The following SLFN12L variants were observed in gnomAD, a reference collection of about 807,000 sequenced individuals.
SLFN12L encodes the protein schlafen family member 12-like.
A neutral mutation model predicts 34.8 loss-of-function variants in SLFN12L; 34 were observed. The observed-to-expected ratio is 0.98, with a 90% CI of 0.74 to 1.30. The LOEUF is 1.30. Ranked by LOEUF, SLFN12L falls within the 50% of genes most tolerant of loss-of-function variation. The pLI is 0.00. For synonymous variants in SLFN12L, 259 were observed against 247.5 expected (o/e 1.05, Z -0.44); for missense variants, 703 against 696.2 (o/e 1.01, Z -0.11).
intron 2 of SLFN12L, among the ~76,000 whole-genome samples, chr17:35,496,758 C>G (rs1915098549): frequency 6.6e-6 from 1 of 152,184 alleles, no homozygotes; most frequent in African/African-American, 2.4e-5. Flanking sequence ...AGCGAGATCG[C>G]CTTCTCAGCC....
Position 35,468,941 on chromosome 17 carries a change from G to A in SLFN12L, c.*5982C>T, listed in dbSNP as rs558977635. ...TGAGGCAGGAGAATCTCTTGATGTC[G>A]GGAGGTCAAGGCTGTAATGAGCTAT... On this transcript the variant is annotated 3_prime_UTR_variant, in exon 5 of 5. Coordinates refer to ENST00000628453, the MANE Select transcript of SLFN12L (RefSeq NM_001363830.2). 2.2e-4 allele frequency among the ~76,000 whole-genome samples: 33 copies of A among 152,030 alleles called. No homozygotes were observed. Among genetic ancestry groups the A allele is most frequent in the African/African-American group, 8.0e-4 (33 of 41,476 alleles).
At chr17:35,537,047 T>G (rs553087471) in intron 1 of SLFN12L, among the ~76,000 whole-genome samples, 2 of 151,976 alleles carry the variant, frequency 1.3e-5, no homozygotes, top group Admixed American at 6.5e-5. Flanking sequence ...ACCCTCACGC[T>G]CAGTGCCTGT....
At chr17:35,512,341 G>T (rs1274019690) in intron 2 of SLFN12L, among the ~76,000 whole-genome samples, 5 of 132,272 alleles carry the variant, frequency 3.8e-5, no homozygotes, top group South Asian at 2.7e-4. Flanking sequence ...TTCTGGGAGA[G>T]AATTTAAAAA....
At chr17:35,526,677 C>T (rs1323626351) in intron 1 of SLFN12L, among the ~76,000 whole-genome samples, 7 of 152,114 alleles carry the variant, frequency 4.6e-5, no homozygotes, top group African/African-American at 1.2e-4. Context: ...AAAGACACAA[C>T]GTGCCGGAAT....
rs1202859114 is a variant in SLFN12L, at chr17:35,475,353, C to T, written c.1409G>A (p.Ser470Asn). The change falls in exon 5 of 5, where the codon AGC (serine) becomes AAC (asparagine). Residue 470 changes from serine (S) to asparagine (N), a missense_variant. Transcript: ENST00000628453. ...VNKGSLIFSRSWSLDLGLQEN... is the reference protein window; with the variant it reads ...VNKGSLIFSRNWSLDLGLQEN... ...TTGCAAGCCCAGATCCAAAGACCAG[C>T]TCCTAGAGAAGATCAGTGAGCCCTT... 1.2e-6 allele frequency: 2 copies of T among 1,614,202 alleles called. No homozygotes were observed. The highest frequency in any genetic ancestry group is 1.7e-5 in the Admixed American group (1 of 60,024).
At chr17:35,526,129 A>G (rs2072332493) in intron 1 of SLFN12L, among the ~76,000 whole-genome samples, 1 of 152,250 alleles carries the variant, frequency 6.6e-6, no homozygotes, top group Admixed American at 6.5e-5. Flanking sequence ...ACATAATGGT[A>G]AAGGGATCAA....
At chr17:35,529,582 A>T (rs148194458) in intron 1 of SLFN12L, among the ~76,000 whole-genome samples, 3,263 of 152,188 alleles carry the variant, frequency 0.021, 109 homozygotes, top group African/African-American at 0.075. Flanking sequence ...TTCTCAGCAA[A>T]CTAACACAAG....
chr17:35,532,038 A>C (rs1458368848), intron 1 of SLFN12L, among the ~76,000 whole-genome samples: 1 of 152,228 alleles, frequency 6.6e-6, no homozygotes, highest in African/African-American at 2.4e-5. Flanking sequence ...AAAGAAAAAA[A>C]TCAATACACA....
At chr17:35,528,551 A>ACCATTT (rs2072360442) in intron 1 of SLFN12L, among the ~76,000 whole-genome samples, 2 of 152,086 alleles carry the variant, frequency 1.3e-5, no homozygotes, top group African/African-American at 4.8e-5. Context: ...CACATCCACA[A>ACCATTT]CCATTTGATC....
chr17:35,503,779 A>C (rs1468950788), intron 2 of SLFN12L, among the ~76,000 whole-genome samples: 1 of 152,032 alleles, frequency 6.6e-6, no homozygotes, highest in Non-Finnish European at 1.5e-5. Context: ...GTAAACCCGC[A>C]CCAGCCTGAA....
At chr17:35,513,749 A>C (rs996090750) in intron 2 of SLFN12L, among the ~76,000 whole-genome samples, 1 of 152,248 alleles carries the variant, frequency 6.6e-6, no homozygotes, top group Non-Finnish European at 1.5e-5. Flanking sequence ...TAGGAGGTAC[A>C]TTGAAGATAA....
intron 2 of SLFN12L, among the ~76,000 whole-genome samples, chr17:35,489,293 C>T (rs1476198209): frequency 6.6e-6 from 1 of 152,010 alleles, no homozygotes; most frequent in Non-Finnish European, 1.5e-5. Flanking sequence ...TGGCTCACGC[C>T]TATTATCCCA....
chr17:35,501,660 T>A (rs1454780794), intron 2 of SLFN12L, among the ~76,000 whole-genome samples: 1 of 152,090 alleles, frequency 6.6e-6, no homozygotes, highest in African/African-American at 2.4e-5. Context: ...CTAGGAAATA[T>A]GTGGAAAAAT....
At chr17:35,534,375 G>A (rs548089086) in intron 1 of SLFN12L, among the ~76,000 whole-genome samples, 22 of 152,030 alleles carry the variant, frequency 1.4e-4, no homozygotes, top group Non-Finnish European at 2.9e-4. Flanking sequence ...AAAACAAAAA[G>A]TAATGGGAAG....
intron 1 of SLFN12L, among the ~76,000 whole-genome samples, chr17:35,533,525 A>G (rs1007239410): frequency 6.6e-6 from 1 of 152,188 alleles, no homozygotes; most frequent in Admixed American, 6.5e-5. Flanking sequence ...TGGAGAGGGA[A>G]TGGGTTCAGA....
intron 1 of SLFN12L, among the ~76,000 whole-genome samples, chr17:35,533,453 A>G (rs537842700): frequency 2.0e-5 from 3 of 152,338 alleles, no homozygotes; most frequent in East Asian, 1.9e-4. Context: ...AGTGACTCCT[A>G]TGGACAAAAG....
intron 2 of SLFN12L, chr17:35,490,503 C>G (rs1914793568): frequency 3.2e-6 from 3 of 925,520 alleles, no homozygotes; most frequent in East Asian, 4.8e-5. Flanking sequence ...TGAAAGGCAT[C>G]CATCTCATTA....
intron 1 of SLFN12L, among the ~76,000 whole-genome samples, chr17:35,536,402 G>A (rs2072461696): frequency 6.6e-6 from 1 of 152,146 alleles, no homozygotes. Context: ...TAAACAAAAA[G>A]ACCCAATGCA....
At chr17:35,495,902 CA>C (rs1438764322) in intron 2 of SLFN12L, among the ~76,000 whole-genome samples, 44 of 8,788 alleles carry the variant, frequency 5.0e-3, no homozygotes, top group Admixed American at 7.8e-3. Flanking sequence ...CGATTTGAAA[CA>C]CACACACACA....
Sources: gnomAD v4.1 joint callset for allele counts (sites outside exome capture counted in the v4.1 genomes callset) on GRCh38, gnomAD v4.1.1 for gene constraint, MANE v1.5 for transcripts, NCBI Gene and HGNC (gene_info 2026-07-23, HGNC 2026-07-21) for gene names.